Variants in ACTR8 observed in about 807,000 individuals in gnomAD.
ACTR8 encodes actin-related protein 8.
Under a neutral mutation model 84.3 loss-of-function variants are expected in ACTR8, and 70 were observed. The observed-to-expected ratio is 0.83, with a 90% CI of 0.68 to 1.01. ACTR8 has a LOEUF of 1.01. Ranked by LOEUF, ACTR8 falls within the 50% of genes least tolerant of loss-of-function variation. The probability of loss-of-function intolerance (pLI) is 0.00; values close to 1 mark genes in which losing one functional copy is unlikely to be tolerated. For synonymous variants in ACTR8, 268 were observed against 275.2 expected (o/e 0.97, Z 0.26); for missense variants, 672 against 775.4 (o/e 0.87, Z 1.58).
At chr3:53,877,030 G>C (rs1360879375) in intron 5 of ACTR8, among the ~76,000 whole-genome samples, 184 bp downstream of exon 5, 1 of 151,532 alleles carries the variant, frequency 6.6e-6, no homozygotes, top group African/African-American at 2.4e-5. Flanking sequence ...AACAGAGAAA[G>C]AAAAAAAGCA....
rs752984635 is a variant in ACTR8, at chr3:53,879,981, C to T, written c.252G>A (p.Gln84=). Residue 84 remains glutamine (Q), a synonymous_variant, in exon 2 of 13, where the codon CAG becomes CAA. Coordinates refer to ENST00000335754, the MANE Select transcript of ACTR8 (RefSeq NM_022899.5). ...GGAGCCAACTGTCCTTGTATAGGGG[C>T]TGCCCTTGTTGTTTGTGTCTTCGGG... ...VIARRHKQQG[Q]PLYKDSWLLR... The T allele has an allele frequency of 1.9e-6, 3 of 1,614,002 alleles. No individual in the cohort carries two copies. Among genetic ancestry groups the T allele is most frequent in the Admixed American group, 1.7e-5 (1 of 60,008 alleles).
chr3:53,871,223 TG>T lies in ACTR8; in HGVS notation c.1567+8del, dbSNP rs749863203. The T allele has an allele frequency of 1.2e-6, 2 of 1,608,504 alleles. No homozygotes were observed. The highest frequency in any genetic ancestry group is 3.3e-5 in the Admixed American group (2 of 59,950). Reference sequence around the variant, plus strand: ...ACTGCTATCTCCCGGTCTCCCCAGATGTGCTTACAACAGCAGTCTATGCTAT... The same window carrying T: ...ACTGCTATCTCCCGGTCTCCCCAGATTGCTTACAACAGCAGTCTATGCTAT... On this transcript the variant is annotated splice_region_variant and intron_variant, in intron 11 of 12. Coordinates refer to ENST00000335754, the MANE Select transcript of ACTR8 (RefSeq NM_022899.5).
chr3:53,878,792 C>T (rs768992444), intron 2 of ACTR8, among the ~76,000 whole-genome samples: 1 of 152,130 alleles, frequency 6.6e-6, no homozygotes, highest in Admixed American at 6.5e-5. Context: ...CCACTGTACT[C>T]CAGCCTGAAG....
At chr3:53,864,367 T>C (rs902264847), downstream of ACTR8, among the ~76,000 whole-genome samples, 9 of 152,142 alleles carry the variant, frequency 5.9e-5, no homozygotes, top group Admixed American at 5.2e-4. Context: ...AAACCCCGTC[T>C]CTACTAAAAG....
rs145781497 is a variant in ACTR8 at position 53,870,323 on chromosome 3, C to T, written c.1568-178G>A. ...AAACACAAATGTAGGCATGTTGCCACGCCACCGCAATCCTACTTGCAGGAT... is the reference window on the plus strand; with the variant it reads ...AAACACAAATGTAGGCATGTTGCCATGCCACCGCAATCCTACTTGCAGGAT... On this transcript the variant is annotated intron_variant, in intron 11 of 12. Coordinates refer to ENST00000335754, the MANE Select transcript of ACTR8 (RefSeq NM_022899.5). This position sits in a 1 kb window ranked among gnomAD's most constrained non-coding sequence, Gnocchi z 4.1. 2,362 of 663,990 alleles carry T rather than the reference C, an allele frequency of 3.6e-3. 44 individuals carry two copies. In the African/African-American group the frequency reaches 0.038, roughly 11 times the overall value. 41.1% of individuals were successfully genotyped at this position (663,990 alleles called of 1,614,324 possible).
intron 9 of ACTR8, 122 bp downstream of exon 9, chr3:53,872,910 G>A: frequency 2.5e-6 from 2 of 797,716 alleles, no homozygotes; most frequent in Non-Finnish European, 4.0e-6. Flanking sequence ...TGGTTTAGTG[G>A]ATAATCTACA....
the ACTR8 span, chr3:53,859,003 A>G: frequency 1.9e-6 from 1 of 514,734 alleles, no homozygotes; most frequent in Non-Finnish European, 3.5e-6. Context: ...CTGAGTAAGA[A>G]CAGGCTTTAT....
Position 53,871,226 on chromosome 3 carries a change from G to A in ACTR8, c.1567+6C>T, listed in dbSNP as rs1474452069. On this transcript the variant is annotated splice_donor_region_variant and intron_variant, in intron 11 of 12. Coordinates refer to ENST00000335754, the MANE Select transcript of ACTR8 (RefSeq NM_022899.5). ...GCTATCTCCCGGTCTCCCCAGATGT[G>A]CTTACAACAGCAGTCTATGCTATGG... is the stretch of plus-strand genomic sequence containing the variant. The A allele has an allele frequency of 6.2e-7, 1 of 1,610,010 alleles. No homozygotes were observed. The highest frequency in any genetic ancestry group is 1.7e-5 in the Admixed American group (1 of 59,966).
In ACTR8 at chr3:53,868,590, G is replaced by T; in HGVS notation, c.*129C>A. 1 of 1,380,110 alleles carries T rather than the reference G, an allele frequency of 7.2e-7. No homozygotes were observed. Among genetic ancestry groups the T allele is most frequent in the Non-Finnish European group, 9.7e-7 (1 of 1,028,350 alleles). 85.5% of individuals were successfully genotyped at this position (1,380,110 alleles called of 1,614,324 possible). A position where few individuals can be genotyped will look rare whatever the true frequency, so the allele number is the denominator to read the frequency against. On this transcript the variant is annotated 3_prime_UTR_variant, in exon 13 of 13. Transcript: ENST00000335754. Reference sequence around the variant, plus strand: ...ACCAATGTCATGTCCTCAACATAAAGTTCAAATTCATTTACTGTCCATGAC... The same window carrying T: ...ACCAATGTCATGTCCTCAACATAAATTTCAAATTCATTTACTGTCCATGAC...
At chr3:53,867,015 A>G (rs928580124), downstream of ACTR8, 1 of 152,250 alleles carries the variant, frequency 6.6e-6, no homozygotes, top group Non-Finnish European at 1.5e-5. Flanking sequence ...ATAAAGTAAA[A>G]ACTGTGTCCA....
At chr3:53,879,684 T>C (rs891406758) in intron 2 of ACTR8, among the ~76,000 whole-genome samples, 3 of 152,224 alleles carry the variant, frequency 2.0e-5, no homozygotes, top group Admixed American at 1.3e-4. Context: ...AATGTATTAC[T>C]GTGAGTGATG....
Position 53,870,354 on chromosome 3 carries a change from T to C in ACTR8, c.1568-209A>G. Reference sequence around the variant, plus strand: ...CGCAATCCTACTTGCAGGATTAGGATCAAAATCTTTAAAGGAGGCCGAGCA... The same window carrying C: ...CGCAATCCTACTTGCAGGATTAGGACCAAAATCTTTAAAGGAGGCCGAGCA... On this transcript the variant is annotated intron_variant, in intron 11 of 12. Transcript: ENST00000335754. The surrounding 1 kb of genome is among the most constrained non-coding windows in gnomAD (Gnocchi z 4.1). The C allele has an allele frequency of 1.7e-6, 1 of 594,764 alleles. No homozygotes were observed. The highest frequency in any genetic ancestry group is 1.9e-5 in the African/African-American group (1 of 53,990). 36.8% of individuals were successfully genotyped at this position (594,764 alleles called of 1,614,324 possible). A position where few individuals can be genotyped will look rare whatever the true frequency, so the allele number is the denominator to read the frequency against.
At chr3:53,876,457 T>G (rs1397732309) in intron 6 of ACTR8, among the ~76,000 whole-genome samples, 163 bp downstream of exon 6, 1 of 151,962 alleles carries the variant, frequency 6.6e-6, no homozygotes, top group African/African-American at 2.4e-5. Context: ...AGGTGGAGCT[T>G]GCAGTGAGCT....
chr3:53,872,507 A>G lies in ACTR8; in HGVS notation c.1179T>C (p.Phe393=). The G allele has an allele frequency of 6.2e-7, 1 of 1,608,962 alleles. No individual in the cohort carries two copies. The highest frequency in any genetic ancestry group is 1.1e-5 in the South Asian group (1 of 90,164). ...CAACGATTCCAAAAGTTGCGGGGTA[A>G]AACAAAGCCATTGGAGCCTGTACAT... ...DEKLQAPMAL[F]YPATFGIVGQ... The change falls in exon 10 of 13, where the codon TTT becomes TTC. Residue 393 remains phenylalanine, a synonymous_variant. Coordinates refer to ENST00000335754, the MANE Select transcript of ACTR8 (RefSeq NM_022899.5).
At chr3:53,879,893 C>G in intron 2 of ACTR8, 46 bp downstream of exon 2, 3 of 1,534,996 alleles carry the variant, frequency 2.0e-6, no homozygotes, top group Middle Eastern at 1.8e-4. Context: ...TAAGCCCTCC[C>G]AGGGAAACAA....
At chr3:53,879,235 T>C (rs979397430) in intron 2 of ACTR8, among the ~76,000 whole-genome samples, 1 of 152,222 alleles carries the variant, frequency 6.6e-6, no homozygotes, top group African/African-American at 2.4e-5. Context: ...TGCGGACTCT[T>C]ATATCAGCAA....
At chr3:53,881,818 G>A (rs1700066364) in intron 1 of ACTR8, 161 bp downstream of exon 1, 14 of 1,233,176 alleles carry the variant, frequency 1.1e-5, no homozygotes, top group Non-Finnish European at 1.6e-5. Flanking sequence ...TCGGCGTCCC[G>A]GCGCGCCACC....
At chr3:53,868,886 C>T (rs1361408893) in intron 12 of ACTR8, 24 bp from the exon 13 acceptor site, 35 of 1,609,774 alleles carry the variant, frequency 2.2e-5, no homozygotes, top group Non-Finnish European at 2.9e-5. Context: ...GAAGGCATTT[C>T]AGCCTAATCA....
Position 53,870,520 on chromosome 3 carries a change from G to A in ACTR8, c.1568-375C>T, listed in dbSNP as rs761127817. 1.3e-4 allele frequency among the ~76,000 whole-genome samples: 20 copies of A among 152,202 alleles called. No individual in the cohort carries two copies. Among genetic ancestry groups the A allele is most frequent in the Admixed American group, 7.8e-4 (12 of 15,290 alleles). On this transcript the variant is annotated intron_variant, in intron 11 of 12. Transcript: ENST00000335754. This position sits in a 1 kb window ranked among gnomAD's most constrained non-coding sequence, Gnocchi z 4.1. Reference sequence around the variant, plus strand: ...ACAAAAAGTAGCCGGGCATGGTAGCGTGCGCCTGTAGTCCCAGCTACTCGG... The same window carrying A: ...ACAAAAAGTAGCCGGGCATGGTAGCATGCGCCTGTAGTCCCAGCTACTCGG...
Sources: gnomAD v4.1 joint callset for allele counts (sites outside exome capture counted in the v4.1 genomes callset) on GRCh38, gnomAD v4.1.1 for gene constraint, Gnocchi (gnomAD v3.1) non-coding constraint, MANE v1.5 for transcripts, NCBI Gene and HGNC (gene_info 2026-07-23, HGNC 2026-07-21) for gene names.